Variants in CHPT1 observed in about 807,000 individuals in gnomAD.
CHPT1 encodes cholinephosphotransferase 1.
CHPT1 carries 36 observed loss-of-function variants against 47.6 expected under a neutral mutation model. That is an observed-to-expected ratio of 0.76 (90% CI 0.58 to 1.00). The LOEUF (loss-of-function observed/expected upper bound fraction) is 1.00, where lower values mean the gene tolerates loss of function less well. Ranked by LOEUF, CHPT1 falls within the 50% of genes least tolerant of loss-of-function variation. The pLI is 0.00. For missense variants in CHPT1, 458 were observed against 498.1 expected (o/e 0.92, Z 0.77); for synonymous variants, 194 against 186.3 (o/e 1.04, Z -0.33).
chr12:101,698,163 C>T (rs771547118), intron 1 of CHPT1, 29 bp downstream of exon 1: 2 of 1,410,654 alleles, frequency 1.4e-6, no homozygotes, highest in East Asian at 3.0e-5. Context: ...CCGAGCCGGG[C>T]CCCAGATGCG....
chr12:101,710,189 A>G (rs1413664404), intron 1 of CHPT1, among the ~76,000 whole-genome samples: 1 of 148,048 alleles, frequency 6.8e-6, no homozygotes, highest in African/African-American at 2.4e-5. Flanking sequence ...TACCAAAAAT[A>G]CAAAAATTTA....
In CHPT1 at chr12:101,723,727, T is replaced by C. The variant is rs1951897277; in HGVS notation, c.945T>C (p.Ala315=). 32 of 1,547,628 alleles carry C rather than the reference T, an allele frequency of 2.1e-5. No individual in the cohort carries two copies. Among genetic ancestry groups the C allele is most frequent in the Non-Finnish European group, 2.8e-5 (32 of 1,145,940 alleles). ...FAKVSQKLVV[A]HMTKSELYLQ... Reference sequence around the variant, plus strand: ...TTTGTTTAATTTTTTTATAGGTAGCTCACATGACCAAAAGTGAACTATATC... The same window carrying C: ...TTTGTTTAATTTTTTTATAGGTAGCCCACATGACCAAAAGTGAACTATATC... The change falls in exon 7 of 9, where the codon GCT becomes GCC. Residue 315 remains alanine (A), a synonymous_variant. Coordinates refer to ENST00000229266, the MANE Select transcript of CHPT1 (RefSeq NM_020244.3).
At chr12:101,723,022 A>G in intron 5 of CHPT1, 146 bp from the exon 6 acceptor site, 1 of 644,370 alleles carries the variant, frequency 1.6e-6, no homozygotes, top group Non-Finnish European at 2.6e-6. Flanking sequence ...TGGAAAGCAC[A>G]ACTCAGGTTT....
At chr12:101,717,801 A>G (rs1467952876) in intron 4 of CHPT1, among the ~76,000 whole-genome samples, 1 of 152,206 alleles carries the variant, frequency 6.6e-6, no homozygotes, top group Non-Finnish European at 1.5e-5. Flanking sequence ...TTGAAAACTT[A>G]TGTCCACACA....
intron 1 of CHPT1, among the ~76,000 whole-genome samples, chr12:101,700,097 T>G (rs545276009): frequency 1.3e-5 from 2 of 152,296 alleles, no homozygotes; most frequent in South Asian, 4.1e-4. Flanking sequence ...TAAAATTTAG[T>G]TTTGATTGGG....
intron 1 of CHPT1, 87 bp downstream of exon 1, chr12:101,698,221 CGG>C: frequency 7.4e-7 from 1 of 1,347,844 alleles, no homozygotes; most frequent in African/African-American, 1.5e-5. Context: ...GACCCACGCG[CGG>C]CTGAGCCTCT....
At chr12:101,727,577 T>C (rs1951990002) in intron 8 of CHPT1, 1 of 151,678 alleles carries the variant, frequency 6.6e-6, no homozygotes, top group African/African-American at 2.4e-5. Context: ...CAGTGAAAGA[T>C]GATATTCCTT....
At position 101,697,807 on chromosome 12, in the gene CHPT1, C is replaced by T; in HGVS notation, c.-55C>T. ...GCCTCTCCCTCCACCTCTCCCTGCC[C>T]CCAGCGCCAGGCGCGGGCTGCGCTC... On this transcript the variant is annotated 5_prime_UTR_variant, in exon 1 of 9. Coordinates refer to ENST00000229266, the MANE Select transcript of CHPT1 (RefSeq NM_020244.3). 1.4e-6 allele frequency: 1 copy of T among 695,978 alleles called. No individual in the cohort carries two copies. The highest frequency in any genetic ancestry group is 1.8e-6 in the Non-Finnish European group (1 of 557,164). The allele number at this position is 695,978 out of a possible 1,614,324, so 43.1% of individuals were successfully genotyped here. A position where few individuals can be genotyped will look rare whatever the true frequency, so the allele number is the denominator to read the frequency against.
At chr12:101,718,142 A>AC (rs1951791482) in intron 4 of CHPT1, among the ~76,000 whole-genome samples, 1 of 152,246 alleles carries the variant, frequency 6.6e-6, no homozygotes, top group African/African-American at 2.4e-5. Context: ...TGAATAGGTG[A>AC]AGCACAGAGA....
chr12:101,714,038 C>A, intron 1 of CHPT1, 52 bp from the exon 2 acceptor site: 1 of 1,295,132 alleles, frequency 7.7e-7, no homozygotes, highest in South Asian at 1.4e-5. Context: ...GAGCTATTTT[C>A]AGAAAGCTTA....
At chr12:101,726,552 TTTCA>T (rs1216499103) in intron 8 of CHPT1, 148 bp downstream of exon 8, 2 of 1,171,058 alleles carry the variant, frequency 1.7e-6, no homozygotes, top group Non-Finnish European at 1.1e-6. Flanking sequence ...ACCCTGTAGA[TTTCA>T]TTGTGTCTTA....
chr12:101,698,871 G>A (rs1951506575), intron 1 of CHPT1, among the ~76,000 whole-genome samples: 1 of 152,256 alleles, frequency 6.6e-6, no homozygotes, highest in Admixed American at 6.5e-5. Flanking sequence ...GAGGGATAGG[G>A]GGCAGAGTGG....
intron 5 of CHPT1, among the ~76,000 whole-genome samples, chr12:101,721,971 A>G (rs1345656788): frequency 6.6e-6 from 1 of 152,042 alleles, no homozygotes; most frequent in Non-Finnish European, 1.5e-5. Context: ...AGGCAGGAAA[A>G]TCGATTGAAC....
chr12:101,709,052 A>G (rs1951670438), intron 1 of CHPT1, among the ~76,000 whole-genome samples: 1 of 148,690 alleles, frequency 6.7e-6, no homozygotes, highest in African/African-American at 2.4e-5. Context: ...ATAAGTTAAC[A>G]TGAAAACTAG....
At chr12:101,720,773 G>C (rs1951837502) in intron 5 of CHPT1, among the ~76,000 whole-genome samples, 1 of 152,164 alleles carries the variant, frequency 6.6e-6, no homozygotes, top group Non-Finnish European at 1.5e-5. Context: ...CCTTGCTCAT[G>C]CAAGTATTAA....
rs772370561 is a variant in CHPT1 at position 101,720,123 on chromosome 12, A to G, written c.649A>G (p.Ile217Val). ...FGGATMWDYT[I>V]PILEIKLKIL... ...TTGTTTCTTTCTTCTACCCCTAAAG[A>G]TTCCTATTCTAGAAATAAAATTGAA... Residue 217 changes from isoleucine (I) to valine (V), a missense_variant and splice_region_variant, in exon 5 of 9, where the codon ATT becomes GTT. By Grantham distance (29) the Ile-to-Val change is conservative. Coordinates refer to ENST00000229266, the MANE Select transcript of CHPT1 (RefSeq NM_020244.3). The G allele has an allele frequency of 2.5e-6, 4 of 1,583,660 alleles. No individual in the cohort carries two copies. In the African/African-American group the frequency reaches 5.5e-5, roughly 22 times the overall value.
Position 101,699,490 on chromosome 12 carries a change from C to T in CHPT1, c.273+1356C>T, listed in dbSNP as rs142750816. On this transcript the variant is annotated intron_variant, in intron 1 of 8. Transcript: ENST00000229266. ...GCAACCTCTGCCTCCTGGGTTCAAG[C>T]GATTCCCTTGCCTCAGCCTCCTGAA... 8.9e-4 allele frequency among the ~76,000 whole-genome samples: 135 copies of T among 151,430 alleles called. 1 individual carries two copies. The highest frequency in any genetic ancestry group is 1.3e-3 in the Non-Finnish European group (91 of 67,892).
At chr12:101,700,616 A>C (rs1951541548) in intron 1 of CHPT1, among the ~76,000 whole-genome samples, 1 of 152,208 alleles carries the variant, frequency 6.6e-6, no homozygotes, top group South Asian at 2.1e-4. Flanking sequence ...GGTAGGATTC[A>C]GATCTAAGTT....
chr12:101,698,306 G>A (rs951873519), intron 1 of CHPT1, among the ~76,000 whole-genome samples, 172 bp downstream of exon 1: 5 of 152,164 alleles, frequency 3.3e-5, no homozygotes, highest in Admixed American at 2.0e-4. Flanking sequence ...AGACTGTCAC[G>A]CCACTATCCC....
Sources: gnomAD v4.1 joint callset for allele counts (sites outside exome capture counted in the v4.1 genomes callset) on GRCh38, gnomAD v4.1.1 for gene constraint, MANE v1.5 for transcripts, NCBI Gene and HGNC (gene_info 2026-07-23, HGNC 2026-07-21) for gene names.